Variants in TUSC7 observed in about 807,000 individuals in gnomAD.
TUSC7 encodes the protein LSAMP antisense RNA 3.
At chr3:116,715,961 T>A (rs2051501694) in intron 1 of TUSC7, among the ~76,000 whole-genome samples, 2 of 152,216 alleles carry the variant, frequency 1.3e-5, no homozygotes. Flanking sequence ...ATAAATGTGT[T>A]TCCAAGTTCA....
At chr3:116,712,096 C>A (rs1052480501) in intron 1 of TUSC7, among the ~76,000 whole-genome samples, 1 of 152,088 alleles carries the variant, frequency 6.6e-6, no homozygotes, top group Non-Finnish European at 1.5e-5. Flanking sequence ...TAACTAAAAG[C>A]ATTTTCAAGA....
intron 1 of TUSC7, among the ~76,000 whole-genome samples, chr3:116,715,477 G>A (rs537575531): frequency 2.0e-5 from 3 of 152,244 alleles, no homozygotes; most frequent in Admixed American, 6.5e-5. Context: ...TCACATCCTT[G>A]CCAATATTTG....
At chr3:116,716,622 A>AT (rs372883645) in intron 1 of TUSC7, 7 of 152,316 alleles carry the variant, frequency 4.6e-5, no homozygotes, top group African/African-American at 1.4e-4. Flanking sequence ...AGGATGAGCT[A>AT]ATCAAAAGAA....
At chr3:116,713,124 A>C (rs2051476539) in intron 1 of TUSC7, among the ~76,000 whole-genome samples, 1 of 152,198 alleles carries the variant, frequency 6.6e-6, no homozygotes, top group Non-Finnish European at 1.5e-5. Context: ...AATCACTCAC[A>C]ATATGGATAA....
At chr3:116,712,152 G>A (rs2107471521) in intron 1 of TUSC7, among the ~76,000 whole-genome samples, 1 of 152,158 alleles carries the variant, frequency 6.6e-6, no homozygotes, top group East Asian at 1.9e-4. Flanking sequence ...TGTGAGAAAG[G>A]GTCTGATTTA....
intron 1 of TUSC7, among the ~76,000 whole-genome samples, chr3:116,713,408 A>G (rs1389449938): frequency 6.6e-6 from 1 of 152,194 alleles, no homozygotes; most frequent in Non-Finnish European, 1.5e-5. Context: ...TACCATCCCA[A>G]GCAAGGATAT....
chr3:116,711,156 C>A (rs1236292834), intron 1 of TUSC7, among the ~76,000 whole-genome samples: 2 of 152,164 alleles, frequency 1.3e-5, no homozygotes, highest in Non-Finnish European at 2.9e-5. Flanking sequence ...GAATTACCAT[C>A]AGTGTAAGTA....
chr3:116,714,488 G>A (rs2051488430), intron 1 of TUSC7, among the ~76,000 whole-genome samples: 1 of 152,128 alleles, frequency 6.6e-6, no homozygotes, highest in South Asian at 2.1e-4. Context: ...TGGGGATCTT[G>A]TTAAAGTACA....
intron 1 of TUSC7, among the ~76,000 whole-genome samples, chr3:116,711,165 T>C (rs1301072746): frequency 1.3e-5 from 2 of 152,190 alleles, no homozygotes; most frequent in Non-Finnish European, 2.9e-5. Context: ...TCAGTGTAAG[T>C]ATTGGTAGTA....
chr3:116,711,516 T>C (rs544313995), intron 1 of TUSC7, among the ~76,000 whole-genome samples: 2 of 152,330 alleles, frequency 1.3e-5, no homozygotes, highest in Non-Finnish European at 2.9e-5. Context: ...TTTAAGATAC[T>C]TGCAGCTTTC....
intron 1 of TUSC7, chr3:116,712,244 A>G (rs1159123119): frequency 6.6e-6 from 1 of 152,246 alleles, no homozygotes; most frequent in Non-Finnish European, 1.5e-5. Flanking sequence ...TCTGCTAGTC[A>G]CAAAACTAGA....
chr3:116,709,826 C>T (rs772030449), exon 1 of TUSC7: 1 of 152,130 alleles, frequency 6.6e-6, no homozygotes, highest in Admixed American at 6.6e-5. Context: ...CCTCTGGGAA[C>T]AGATCCCAGA....
At chr3:116,715,535 G>A (rs900757060) in intron 1 of TUSC7, among the ~76,000 whole-genome samples, 1 of 152,100 alleles carries the variant, frequency 6.6e-6, no homozygotes, top group Non-Finnish European at 1.5e-5. Flanking sequence ...ATGTGTAGTG[G>A]TATCTCATTG....
intron 1 of TUSC7, among the ~76,000 whole-genome samples, chr3:116,714,496 AC>A (rs1178232035): frequency 6.6e-6 from 1 of 152,196 alleles, no homozygotes; most frequent in Non-Finnish European, 1.5e-5. Context: ...TTGTTAAAGT[AC>A]AGTTTAATAT....
intron 1 of TUSC7, among the ~76,000 whole-genome samples, chr3:116,711,807 T>C (rs2051465701): frequency 6.6e-6 from 1 of 152,160 alleles, no homozygotes; most frequent in South Asian, 2.1e-4. Context: ...CACTAGAAAA[T>C]ACTTGCTTCT....
intron 1 of TUSC7, among the ~76,000 whole-genome samples, chr3:116,714,523 G>C (rs76971971): frequency 0.028 from 4,244 of 152,230 alleles, 100 homozygotes; most frequent in Middle Eastern, 0.085. Context: ...ACCTGAGGTA[G>C]AGCCTGAGAA....
intron 1 of TUSC7, among the ~76,000 whole-genome samples, chr3:116,713,354 G>A (rs1363687324): frequency 1.3e-5 from 2 of 152,122 alleles, no homozygotes; most frequent in Non-Finnish European, 2.9e-5. Context: ...GCAGCCCTAA[G>A]GTCATTCACT....
chr3:116,713,732 G>A (rs539624412), intron 1 of TUSC7, among the ~76,000 whole-genome samples: 3 of 152,208 alleles, frequency 2.0e-5, no homozygotes, highest in East Asian at 1.9e-4. Context: ...TTGGGAGGCC[G>A]AGGTGGTCTC....
intron 1 of TUSC7, among the ~76,000 whole-genome samples, chr3:116,711,883 G>C (rs1190991002): frequency 6.6e-6 from 1 of 152,130 alleles, no homozygotes; most frequent in Non-Finnish European, 1.5e-5. Context: ...CAGCCTGCAA[G>C]TAAACCTAAA....
Sources: gnomAD v4.1 joint callset for allele counts (sites outside exome capture counted in the v4.1 genomes callset) on GRCh38, gnomAD v4.1.1 for gene constraint, MANE v1.5 for transcripts, NCBI Gene and HGNC (gene_info 2026-07-23, HGNC 2026-07-21) for gene names.